Variants in FRRS1L observed in about 807,000 individuals in gnomAD.
The protein encoded by FRRS1L is DOMON domain-containing protein FRRS1L.
Under a neutral mutation model 28.6 loss-of-function variants are expected in FRRS1L, and 22 were observed. The ratio of observed to expected loss-of-function variants is 0.77; its 90% CI spans 0.55 to 1.10. The LOEUF (loss-of-function observed/expected upper bound fraction) is 1.10, where lower values mean the gene tolerates loss of function less well. Ranked by LOEUF, FRRS1L falls within the 50% of genes least tolerant of loss-of-function variation. The probability of loss-of-function intolerance (pLI) is 0.00; values close to 1 mark genes in which losing one functional copy is unlikely to be tolerated. For missense variants in FRRS1L, 380 were observed against 386.9 expected, an observed-to-expected ratio of 0.98 and a Z score of 0.15; for synonymous variants, 158 against 151.4, an observed-to-expected ratio of 1.04 and a Z score of -0.32.
chr9:109,155,753 T>C (rs1465778509), intron 1 of FRRS1L, among the ~76,000 whole-genome samples: 1 of 148,356 alleles, frequency 6.7e-6, no homozygotes, highest in African/African-American at 2.5e-5. Context: ...ATCAGAAAGA[T>C]TCGTGGTTGT....
rs185774761 is a variant in FRRS1L, at chr9:109,137,223, A to G, written c.*232T>C. The G allele has an allele frequency of 5.9e-4, 162 of 275,400 alleles. No individual in the cohort carries two copies. Among genetic ancestry groups the G allele is most frequent in the African/African-American group, 3.3e-3 (151 of 45,982 alleles). 17.1% of individuals were successfully genotyped at this position (275,400 alleles called of 1,614,324 possible). ...ATGTTGTGAAGTTAAATAAGAAAACATATGTGAAAGTGCTTAGAAAAGGTG... is the reference window on the plus strand; with the variant it reads ...ATGTTGTGAAGTTAAATAAGAAAACGTATGTGAAAGTGCTTAGAAAAGGTG... On this transcript the variant is annotated 3_prime_UTR_variant, in exon 5 of 5. Transcript: ENST00000561981.
At chr9:109,139,756 C>A (rs1831156767) in intron 4 of FRRS1L, 2 of 152,112 alleles carry the variant, frequency 1.3e-5, no homozygotes, top group South Asian at 4.2e-4. Context: ...AAGGTGTCAC[C>A]AATCTGGAGA....
At chr9:109,152,525 C>T (rs943596052) in intron 1 of FRRS1L, among the ~76,000 whole-genome samples, 1 of 151,324 alleles carries the variant, frequency 6.6e-6, no homozygotes, top group African/African-American at 2.4e-5. Flanking sequence ...CAAGTTTCAG[C>T]TGGGCATGGT....
chr9:109,135,222 G>A lies in FRRS1L; in HGVS notation c.*2233C>T, dbSNP rs1432813406. On this transcript the variant is annotated 3_prime_UTR_variant, in exon 5 of 5. Coordinates refer to ENST00000561981, the MANE Select transcript of FRRS1L (RefSeq NM_014334.4). The stretch of plus-strand genomic sequence containing the variant: ...AGTGTTGCTCAATCATAAAGCCCAC[G>A]AAGTTGGAACCAGCTTTAAAGCAAC... 1 of 152,114 alleles carries A rather than the reference G, an allele frequency of 6.6e-6. No homozygotes were observed. Among genetic ancestry groups the A allele is most frequent in the Non-Finnish European group, 1.5e-5 (1 of 68,020 alleles). The allele number at this position is 152,114 out of a possible 1,614,324, so 9.4% of individuals were successfully genotyped here.
intron 1 of FRRS1L, among the ~76,000 whole-genome samples, chr9:109,164,675 C>G (rs538812196): frequency 3.9e-5 from 6 of 152,196 alleles, no homozygotes; most frequent in African/African-American, 1.4e-4. Context: ...GGATTACAGT[C>G]GTGAAGCACC....
chr9:109,150,532 A>G (rs375039209), intron 1 of FRRS1L: 3 of 152,204 alleles, frequency 2.0e-5, no homozygotes, highest in African/African-American at 7.2e-5. Context: ...TAAATTCTTT[A>G]AACACATAAT....
At chr9:109,141,224 C>T in intron 4 of FRRS1L, 119 bp downstream of exon 4, 1 of 1,122,950 alleles carries the variant, frequency 8.9e-7, no homozygotes, top group African/African-American at 1.6e-5. Context: ...ATCTCCTTTT[C>T]CTTTAAATGA....
intron 3 of FRRS1L, among the ~76,000 whole-genome samples, chr9:109,144,525 C>A (rs185180586): frequency 2.2e-4 from 33 of 152,010 alleles, no homozygotes; most frequent in East Asian, 1.2e-3. Flanking sequence ...CCACCATACC[C>A]GGCTAAGTTT....
chr9:109,137,893 T>C (rs567186785), intron 4 of FRRS1L: 5 of 204,472 alleles, frequency 2.4e-5, no homozygotes, highest in South Asian at 1.9e-4. Context: ...TTGATCTGTT[T>C]CCTGCCATCT....
intron 1 of FRRS1L, among the ~76,000 whole-genome samples, chr9:109,166,479 T>G (rs1167351704): frequency 6.6e-6 from 1 of 152,080 alleles, no homozygotes; most frequent in Non-Finnish European, 1.5e-5. Context: ...ACCTCTCTCT[T>G]TAGGTTGGGG....
chr9:109,164,067 G>A (rs925598371), intron 1 of FRRS1L, among the ~76,000 whole-genome samples: 6 of 152,136 alleles, frequency 3.9e-5, no homozygotes, highest in South Asian at 2.1e-4. Context: ...CTCAGCCCCC[G>A]CTTTTAAGGC....
chr9:109,165,476 C>T (rs1039999897), intron 1 of FRRS1L, among the ~76,000 whole-genome samples: 4 of 152,194 alleles, frequency 2.6e-5, no homozygotes, highest in African/African-American at 9.7e-5. Context: ...ACAGAGTCAT[C>T]CCACCAGCCC....
At chr9:109,163,893 G>T (rs1831510426) in intron 1 of FRRS1L, among the ~76,000 whole-genome samples, 2 of 152,084 alleles carry the variant, frequency 1.3e-5, no homozygotes, top group Non-Finnish European at 2.9e-5. Flanking sequence ...CACTGAATCT[G>T]TCCTAGGAGA....
At chr9:109,147,498 A>G (rs1483450570) in intron 2 of FRRS1L, 1 of 254,408 alleles carries the variant, frequency 3.9e-6, no homozygotes, top group East Asian at 7.8e-5. Context: ...TCTCTACATT[A>G]TATTAGTATT....
rs764741275 is a variant in FRRS1L at position 109,146,912 on chromosome 9, AT to A, written c.462+138del. 7.4e-5 allele frequency: 58 copies of A among 782,054 alleles called. 1 individual carries two copies. The highest frequency in any genetic ancestry group is 3.0e-4 in the Middle Eastern group (1 of 3,288). 48.4% of individuals were successfully genotyped at this position (782,054 alleles called of 1,614,324 possible). On this transcript the variant is annotated intron_variant, in intron 3 of 4. Transcript: ENST00000561981. ...AACCCTTTCATTTAAGCTAGCCTGA[AT>A]TTTTTTTAACTTGCAATCAGAGAGC...
At chr9:109,154,873 G>A (rs1479377937) in intron 1 of FRRS1L, among the ~76,000 whole-genome samples, 1 of 152,202 alleles carries the variant, frequency 6.6e-6, no homozygotes, top group African/African-American at 2.4e-5. Flanking sequence ...GTGGGGTAAG[G>A]TTCTCATCTC....
intron 1 of FRRS1L, among the ~76,000 whole-genome samples, chr9:109,161,509 T>C (rs1369013293): frequency 1.3e-5 from 2 of 152,238 alleles, no homozygotes; most frequent in Non-Finnish European, 2.9e-5. Flanking sequence ...TCTATTATTT[T>C]ATAATCCCTT....
intron 3 of FRRS1L, among the ~76,000 whole-genome samples, chr9:109,144,657 G>A (rs938316965): frequency 6.6e-6 from 1 of 150,934 alleles, no homozygotes; most frequent in Non-Finnish European, 1.5e-5. Context: ...GAGCCACCAT[G>A]CCCAGCCAGT....
rs1209614316 is a variant in FRRS1L, at chr9:109,136,704, T to C, written c.*751A>G. ...CCTGGCTCATTTTTGTACTTTTTAA[T>C]AGAGACGGGGGTTTCACCACATTGG... On this transcript the variant is annotated 3_prime_UTR_variant, in exon 5 of 5. Coordinates refer to ENST00000561981, the MANE Select transcript of FRRS1L (RefSeq NM_014334.4). 1 of 152,110 alleles carries C rather than the reference T, an allele frequency of 6.6e-6. No individual in the cohort carries two copies. The highest frequency in any genetic ancestry group is 1.5e-5 in the Non-Finnish European group (1 of 68,060). The allele number at this position is 152,110 out of a possible 1,614,324, so 9.4% of individuals were successfully genotyped here. A position where few individuals can be genotyped will look rare whatever the true frequency, so the allele number is the denominator to read the frequency against.
Sources: gnomAD v4.1 joint callset for allele counts (sites outside exome capture counted in the v4.1 genomes callset) on GRCh38, gnomAD v4.1.1 for gene constraint, MANE v1.5 for transcripts, NCBI Gene and HGNC (gene_info 2026-07-23, HGNC 2026-07-21) for gene names.